Variants in DOCK5 observed in about 807,000 individuals in gnomAD.
DOCK5 encodes dedicator of cytokinesis protein 5.
Under a neutral mutation model 251.8 loss-of-function variants are expected in DOCK5, and 142 were observed. The ratio of observed to expected loss-of-function variants is 0.56; its 90% CI spans 0.49 to 0.65. The LOEUF (loss-of-function observed/expected upper bound fraction) is 0.65. Ranked by LOEUF, DOCK5 falls within the 30% of genes least tolerant of loss-of-function variation. DOCK5 has a pLI of 0.00. For synonymous variants in DOCK5, 842 were observed against 835.5 expected (o/e 1.01, Z -0.13); for missense variants, 2,111 against 2,312.3 (o/e 0.91, Z 1.79).
chr8:25,350,428 T>C (rs1800446007), intron 26 of DOCK5, among the ~76,000 whole-genome samples: 1 of 152,152 alleles, frequency 6.6e-6, no homozygotes, highest in African/African-American at 2.4e-5. Flanking sequence ...AATGTGTACA[T>C]CAGCCCTACT....
chr8:25,343,640 ACC>A (rs1250926880), intron 25 of DOCK5, among the ~76,000 whole-genome samples: 1 of 152,208 alleles, frequency 6.6e-6, no homozygotes, highest in Non-Finnish European at 1.5e-5. Flanking sequence ...GACCTTAAAA[ACC>A]AGGGGACAGG....
At chr8:25,224,815 A>G (rs923637341) in intron 1 of DOCK5, among the ~76,000 whole-genome samples, 2 of 152,218 alleles carry the variant, frequency 1.3e-5, no homozygotes, top group Non-Finnish European at 2.9e-5. Context: ...CATTGGCCCC[A>G]CCTCTGCTCT....
chr8:25,321,909 G>A (rs1188233699), intron 16 of DOCK5, among the ~76,000 whole-genome samples: 1 of 152,162 alleles, frequency 6.6e-6, no homozygotes, highest in African/African-American at 2.4e-5. Context: ...GTGTTGCCAT[G>A]TTGCAGTAGC....
intron 27 of DOCK5, among the ~76,000 whole-genome samples, chr8:25,358,645 C>G (rs1800620899): frequency 1.3e-5 from 2 of 152,186 alleles, no homozygotes; most frequent in Non-Finnish European, 2.9e-5. Flanking sequence ...TACTACAGCT[C>G]TGTCTCAACA....
In DOCK5 at chr8:25,289,245, A is replaced by G. The variant is rs151123582; in HGVS notation, c.322-2779A>G. Among the ~76,000 whole-genome samples, 993 of 152,216 alleles carry G rather than the reference A, an allele frequency of 6.5e-3. 3 individuals carry two copies. The highest frequency in any genetic ancestry group is 0.027 in the Middle Eastern group (8 of 294). ...AGGATCGTCATAGAAGGACATCACT[A>G]GAGAATATTGTGTGCTGTCAACATC... is the stretch of plus-strand genomic sequence containing the variant. On this transcript the variant is annotated intron_variant, in intron 5 of 51. Transcript: ENST00000276440.
At position 25,392,818 on chromosome 8, in the gene DOCK5, C is replaced by T. The variant is rs562598361; in HGVS notation, c.4463C>T (p.Thr1488Met). Residue 1488 changes from threonine (T) to methionine (M), a missense_variant, in exon 44 of 52, where the codon ACG becomes ATG. Physicochemically the swap from Thr to Met is moderately conservative, Grantham distance 81. Around this residue, in one of 3 missense-constraint regions of DOCK5, gnomAD observed 1,717 missense variants for 1,892.4 expected, o/e 0.91. Coordinates refer to ENST00000276440, the MANE Select transcript of DOCK5 (RefSeq NM_024940.8). ...CAGACGATGTGGATTGAACGGACCA[C>T]GTATACGACTGCATATACCTTTCCT... ...EFATMWIERT[T>M]YTTAYTFPGI... is the part of the protein sequence containing the mutation. 3.7e-5 allele frequency: 59 copies of T among 1,613,078 alleles called. No individual in the cohort carries two copies. The highest frequency in any genetic ancestry group is 7.7e-5 in the South Asian group (7 of 90,748).
chr8:25,332,409 A>T, intron 19 of DOCK5, 61 bp downstream of exon 19: 3 of 1,355,810 alleles, frequency 2.2e-6, no homozygotes, highest in Non-Finnish European at 3.1e-6. Context: ...CTATCTAATT[A>T]TACCTAATTG....
Position 25,403,679 on chromosome 8 carries a change from C to G in DOCK5, c.5048C>G (p.Ser1683Cys). 2 of 1,613,980 alleles carry G rather than the reference C, an allele frequency of 1.2e-6. No homozygotes were observed. The highest frequency in any genetic ancestry group is 1.7e-6 in the Non-Finnish European group (2 of 1,179,872). ...GTCACTTCCTCTGTGGTTTCCACCT[C>G]TTCAAACTCGTCTGACAATGCTCCT... ...TSVTSSVVST[S>C]SNSSDNAPSR... The change falls in exon 48 of 52, where the codon TCT (serine) becomes TGT (cysteine). Residue 1683 changes from serine (S) to cysteine (C), a missense_variant. Coordinates refer to ENST00000276440, the MANE Select transcript of DOCK5 (RefSeq NM_024940.8).
intron 18 of DOCK5, among the ~76,000 whole-genome samples, chr8:25,328,972 T>C (rs1805624216): frequency 1.3e-5 from 2 of 152,216 alleles, no homozygotes; most frequent in Non-Finnish European, 2.9e-5. Context: ...TGGACTTGTA[T>C]TTTGAAAGCA....
chr8:25,277,735 A>T (rs140689148), intron 4 of DOCK5, among the ~76,000 whole-genome samples: 48 of 152,334 alleles, frequency 3.2e-4, no homozygotes, highest in Middle Eastern at 6.8e-3. Context: ...ATGCCCAGTT[A>T]CATTGGCAAT....
chr8:25,401,132 C>G, intron 47 of DOCK5, 66 bp downstream of exon 47: 1 of 1,581,718 alleles, frequency 6.3e-7, no homozygotes, highest in Non-Finnish European at 8.6e-7. Context: ...GACACTGATT[C>G]GTTTTTCAGA....
At chr8:25,260,709 A>G (rs1172918519) in intron 2 of DOCK5, among the ~76,000 whole-genome samples, 1 of 152,158 alleles carries the variant, frequency 6.6e-6, no homozygotes, top group Admixed American at 6.5e-5. Context: ...AAATGTTTTC[A>G]TGTATAATGA....
In DOCK5 at chr8:25,408,175, AAAG is replaced by A. The variant is rs1351858058; in HGVS notation, c.5265+24_5265+26del. 9 of 1,552,212 alleles carry A rather than the reference AAAG, an allele frequency of 5.8e-6. No homozygotes were observed. The South Asian group carries it at 8.4e-5, about 14-fold the overall frequency. On this transcript the variant is annotated intron_variant, in intron 49 of 51. Coordinates refer to ENST00000276440, the MANE Select transcript of DOCK5 (RefSeq NM_024940.8). The stretch of plus-strand genomic sequence containing the variant: ...TGATGGTAAAAAACAGAAAAGAAAA[AAAG>A]AAATCTCTGGAGGCTTGCCCCCCTC...
At chr8:25,373,063 G>T (rs570602222) in intron 35 of DOCK5, among the ~76,000 whole-genome samples, 38 of 150,448 alleles carry the variant, frequency 2.5e-4, no homozygotes, top group African/African-American at 8.5e-4. Flanking sequence ...GCAGTGGTGC[G>T]ATCTCAGCTC....
rs533218157 is a variant in DOCK5, at chr8:25,226,604, G to A, written c.44-17070G>A. On this transcript the variant is annotated intron_variant, in intron 1 of 51. Transcript: ENST00000276440. The stretch of plus-strand genomic sequence containing the variant: ...TTTAATTTTAAGTTTTTTTTTTTTC[G>A]AGAGAGAGTCTCGCTGTGTTCCCCA... Among the ~76,000 whole-genome samples, 4 of 117,322 alleles carry A rather than the reference G, an allele frequency of 3.4e-5. No individual in the cohort carries two copies. In the South Asian group the frequency reaches 7.3e-4, roughly 21 times the overall value. The allele number at this position is 117,322 out of a possible 152,430, so 77.0% of individuals were successfully genotyped here. A position where few individuals can be genotyped will look rare whatever the true frequency, so the allele number is the denominator to read the frequency against.
intron 6 of DOCK5, among the ~76,000 whole-genome samples, chr8:25,292,993 C>T (rs1200233665): frequency 6.6e-6 from 1 of 152,140 alleles, no homozygotes; most frequent in East Asian, 1.9e-4. Context: ...GAGTTAATCA[C>T]TTCATTAATC....
chr8:25,375,059 T>C (rs1294089204), intron 37 of DOCK5: 11 of 924,804 alleles, frequency 1.2e-5, no homozygotes, highest in Admixed American at 9.9e-5. Flanking sequence ...GGTTTAGATA[T>C]AAATACATCT....
chr8:25,193,342 T>C (rs1257356763), intron 1 of DOCK5, among the ~76,000 whole-genome samples: 1 of 152,236 alleles, frequency 6.6e-6, no homozygotes, highest in Middle Eastern at 3.4e-3. Context: ...ATGAAGAAAC[T>C]TATCTAACGT....
chr8:25,337,324 T>G (rs1344169262), intron 22 of DOCK5, among the ~76,000 whole-genome samples: 1 of 152,138 alleles, frequency 6.6e-6, no homozygotes, highest in Non-Finnish European at 1.5e-5. Flanking sequence ...TGGGCAAAAA[T>G]TGGTCCTGTA....
Sources: allele counts gnomAD v4.1 joint callset (sites outside exome capture counted in the v4.1 genomes callset), GRCh38; gene constraint gnomAD v4.1.1; regional missense constraint gnomAD v4.1.1; transcripts MANE v1.5; gene names NCBI Gene and HGNC (gene_info 2026-07-23, HGNC 2026-07-21).